LIN54: variants seen among roughly 807,000 people sequenced by gnomAD.
LIN54 encodes lin-54 DREAM MuvB core complex component, also known as protein lin-54 homolog.
In LIN54, 9 loss-of-function variants were observed where a neutral mutation model predicts 78.7. The observed-to-expected ratio is 0.11, with a 90% CI of 0.07 to 0.20. LIN54 has a LOEUF of 0.20. Among genes scored for constraint, LIN54 ranks in the 10% least tolerant of loss-of-function variants. LIN54 has a pLI of 1.00. For missense variants in LIN54, 573 were observed against 889.9 expected, an observed-to-expected ratio of 0.64 and a Z score of 4.53; for synonymous variants, 269 against 318.4, an observed-to-expected ratio of 0.84 and a Z score of 1.65.
At chr4:82,979,418 A>G (rs898820944) in intron 2 of LIN54, among the ~76,000 whole-genome samples, 1 of 152,220 alleles carries the variant, frequency 6.6e-6, no homozygotes, top group Non-Finnish European at 1.5e-5. Context: ...ACACAATTAC[A>G]TTGGCCCTTG....
intron 4 of LIN54, among the ~76,000 whole-genome samples, chr4:82,951,139 T>A (rs894172360): frequency 2.6e-5 from 4 of 152,118 alleles, no homozygotes; most frequent in Non-Finnish European, 5.9e-5. Flanking sequence ...GGAAACAAAT[T>A]TGCAAGCTTT....
At chr4:82,942,845 T>C (rs530900683) in intron 5 of LIN54, among the ~76,000 whole-genome samples, 93 of 119,110 alleles carry the variant, frequency 7.8e-4, no homozygotes, top group African/African-American at 3.6e-3. Context: ...TGCACAAATG[T>C]GTGCGTGTGC....
intron 2 of LIN54, 134 bp from the exon 3 acceptor site, chr4:82,979,140 G>A (rs1240597711): frequency 3.9e-6 from 2 of 512,424 alleles, no homozygotes; most frequent in Admixed American, 6.5e-5. Context: ...GTGTGTTAAT[G>A]TTAAGAACAT....
chr4:82,948,433 A>G (rs1235549122), intron 4 of LIN54, among the ~76,000 whole-genome samples: 1 of 152,230 alleles, frequency 6.6e-6, no homozygotes, highest in African/African-American at 2.4e-5. Context: ...TTGATTGTGT[A>G]TATTTAAGGT....
At chr4:82,990,887 A>G (rs1469035786) in intron 1 of LIN54, among the ~76,000 whole-genome samples, 3 of 152,174 alleles carry the variant, frequency 2.0e-5, no homozygotes, top group Non-Finnish European at 4.4e-5. Context: ...GCCCTTTGCT[A>G]CAGAGGGAGA....
chr4:82,961,745 G>A (rs1232654347), intron 4 of LIN54, among the ~76,000 whole-genome samples: 1 of 152,134 alleles, frequency 6.6e-6, no homozygotes, highest in African/African-American at 2.4e-5. Flanking sequence ...CTGAGGTCAG[G>A]AGTTTGAGAC....
chr4:82,990,776 C>A (rs1437932116), intron 1 of LIN54, among the ~76,000 whole-genome samples: 1 of 152,186 alleles, frequency 6.6e-6, no homozygotes, highest in African/African-American at 2.4e-5. Context: ...AGCCACCGCG[C>A]CCAGCCAGGG....
chr4:82,941,149 G>GAGATATATATATAT, intron 5 of LIN54, among the ~76,000 whole-genome samples: 1 of 131,144 alleles, frequency 7.6e-6, no homozygotes, highest in Middle Eastern at 3.8e-3. Flanking sequence ...GAGTTAAGAG[G>GAGATATATATATAT]ATATATATAT....
At chr4:82,998,400 G>A (rs547559745) in intron 1 of LIN54, among the ~76,000 whole-genome samples, 11 of 152,138 alleles carry the variant, frequency 7.2e-5, no homozygotes, top group Admixed American at 2.6e-4. Flanking sequence ...AAAATTAGCC[G>A]GGCATGGTGC....
At position 82,947,319 on chromosome 4, in the gene LIN54, A is replaced by T. The variant is rs1311933017; in HGVS notation, c.952-845T>A. Among the ~76,000 whole-genome samples, 3 of 140,234 alleles carry T rather than the reference A, an allele frequency of 2.1e-5. No homozygotes were observed. The Admixed American group carries it at 2.3e-4, about 11-fold the overall frequency. The allele number at this position is 140,234 out of a possible 152,430, so 92.0% of individuals were successfully genotyped here. A position where few individuals can be genotyped will look rare whatever the true frequency, so the allele number is the denominator to read the frequency against. ...GCAATAACGGCTCACTGCAGCCTTGACCTCCTGGGCTCAAGCCATCCTCCT... is the reference window on the plus strand; with the variant it reads ...GCAATAACGGCTCACTGCAGCCTTGTCCTCCTGGGCTCAAGCCATCCTCCT... On this transcript the variant is annotated intron_variant, in intron 4 of 12. Transcript: ENST00000340417.
intron 3 of LIN54, 96 bp from the exon 4 acceptor site, chr4:82,970,565 T>C (rs966906463): frequency 3.6e-6 from 4 of 1,122,378 alleles, no homozygotes; most frequent in Non-Finnish European, 5.1e-6. Context: ...CTGCAGAATG[T>C]ATGTTTGTTA....
chr4:82,981,720 T>C (rs965468238), intron 2 of LIN54, among the ~76,000 whole-genome samples: 1 of 152,114 alleles, frequency 6.6e-6, no homozygotes, highest in Non-Finnish European at 1.5e-5. Flanking sequence ...TTTTATTAGA[T>C]AGAAACAGGC....
At chr4:82,991,128 C>T (rs1176837971) in intron 1 of LIN54, among the ~76,000 whole-genome samples, 1 of 119,380 alleles carries the variant, frequency 8.4e-6, no homozygotes, top group East Asian at 2.8e-4. Context: ...CCAGCCTGGG[C>T]AACACAGTGA....
rs143798212 is a variant in LIN54 at position 83,004,641 on chromosome 4, C to T, written c.-33+5843G>A. Among the ~76,000 whole-genome samples, 705 of 144,002 alleles carry T rather than the reference C, an allele frequency of 4.9e-3. 12 individuals are homozygous for T. Among genetic ancestry groups the T allele is most frequent in the Admixed American group, 0.043 (639 of 14,898 alleles). The allele number at this position is 144,002 out of a possible 152,430, so 94.5% of individuals were successfully genotyped here. On this transcript the variant is annotated intron_variant, in intron 1 of 12. Coordinates refer to ENST00000340417, the MANE Select transcript of LIN54 (RefSeq NM_194282.4). ...AGTAGCGGGGACTACAGAACGAGCA[C>T]AAGCCATCACACTCTGGCCAATTTT...
At chr4:83,002,077 G>C (rs1040564843) in intron 1 of LIN54, among the ~76,000 whole-genome samples, 1 of 151,004 alleles carries the variant, frequency 6.6e-6, no homozygotes, top group Non-Finnish European at 1.5e-5. Flanking sequence ...ACTAGTGCCA[G>C]ACAATGAGAA....
intron 1 of LIN54, among the ~76,000 whole-genome samples, chr4:82,993,350 G>A (rs1354044644): frequency 6.6e-6 from 1 of 150,952 alleles, no homozygotes; most frequent in Non-Finnish European, 1.5e-5. Context: ...CCAAGTAGCT[G>A]GGATTATAGG....
At chr4:82,928,727 T>G (rs1721692516) in intron 12 of LIN54, among the ~76,000 whole-genome samples, 2 of 152,192 alleles carry the variant, frequency 1.3e-5, no homozygotes, top group Admixed American at 1.3e-4. Context: ...AGTTGCTGAA[T>G]GAATGAATAA....
intron 1 of LIN54, among the ~76,000 whole-genome samples, chr4:82,986,340 C>T (rs1332886903): frequency 6.6e-6 from 1 of 152,142 alleles, no homozygotes; most frequent in Non-Finnish European, 1.5e-5. Context: ...TGGTCTCAAA[C>T]TCCCAACCTC....
At chr4:82,963,229 A>G (rs1374075201) in intron 4 of LIN54, among the ~76,000 whole-genome samples, 2 of 152,172 alleles carry the variant, frequency 1.3e-5, no homozygotes, top group African/African-American at 4.8e-5. Context: ...AAAACTCTCA[A>G]TTCTTTACCC....
Sources: gnomAD v4.1 joint callset for allele counts (sites outside exome capture counted in the v4.1 genomes callset) on GRCh38, gnomAD v4.1.1 for gene constraint, MANE v1.5 for transcripts, NCBI Gene and HGNC (gene_info 2026-07-23, HGNC 2026-07-21) for gene names.